Variants in THSD7B observed in about 807,000 individuals in gnomAD.
THSD7B encodes thrombospondin type-1 domain-containing protein 7B.
THSD7B carries 138 observed loss-of-function variants against 213.6 expected under a neutral mutation model. The observed-to-expected ratio is 0.65, with a 90% CI of 0.56 to 0.74. The LOEUF (loss-of-function observed/expected upper bound fraction) is 0.74, where lower values mean the gene tolerates loss of function less well. Ranked by LOEUF, THSD7B falls within the 30% of genes least tolerant of loss-of-function variation. The probability of loss-of-function intolerance (pLI) is 0.00; values close to 1 mark genes in which losing one functional copy is unlikely to be tolerated. For missense variants in THSD7B, 1,931 were observed against 1,991.5 expected, an observed-to-expected ratio of 0.97 and a Z score of 0.58; for synonymous variants, 742 against 687.0, an observed-to-expected ratio of 1.08 and a Z score of -1.25.
intron 1 of THSD7B, among the ~76,000 whole-genome samples, chr2:136,823,501 AT>A (rs1352375258): frequency 1.3e-5 from 2 of 151,906 alleles, no homozygotes; most frequent in Non-Finnish European, 2.9e-5. Flanking sequence ...TTCGTCAGGT[AT>A]TTCTGTGTCT....
At chr2:137,066,801 T>C (rs1687391823) in intron 3 of THSD7B, among the ~76,000 whole-genome samples, 4 of 152,134 alleles carry the variant, frequency 2.6e-5, no homozygotes, top group Admixed American at 2.6e-4. Context: ...TTTTCTCTCT[T>C]TATTTTCCTA....
chr2:137,089,102 C>T (rs1033272883), intron 3 of THSD7B, among the ~76,000 whole-genome samples: 1 of 151,972 alleles, frequency 6.6e-6, no homozygotes, highest in African/African-American at 2.4e-5. Flanking sequence ...ATGATTTGAT[C>T]CAGCAATCCT....
At chr2:137,288,513 C>T (rs1040107132) in intron 12 of THSD7B, among the ~76,000 whole-genome samples, 1 of 151,822 alleles carries the variant, frequency 6.6e-6, no homozygotes, top group Admixed American at 6.6e-5. Flanking sequence ...TTTTGAGAGC[C>T]TATAACAGAA....
At chr2:137,549,345 A>G (rs1680800622) in intron 15 of THSD7B, among the ~76,000 whole-genome samples, 1 of 135,552 alleles carries the variant, frequency 7.4e-6, no homozygotes, top group Non-Finnish European at 1.6e-5. Flanking sequence ...TGCAACAGAG[A>G]TAGAAAGTTT....
chr2:137,435,000 T>G (rs1424263376), intron 14 of THSD7B, among the ~76,000 whole-genome samples: 1 of 152,214 alleles, frequency 6.6e-6, no homozygotes, highest in Non-Finnish European at 1.5e-5. Context: ...GAAAATACTT[T>G]ACTTTTTATG....
chr2:137,455,178 G>C (rs1687740172), intron 15 of THSD7B, among the ~76,000 whole-genome samples: 2 of 152,048 alleles, frequency 1.3e-5, no homozygotes, highest in Non-Finnish European at 2.9e-5. Context: ...TTATCTTGTG[G>C]GTTGTCAAAT....
chr2:136,991,060 A>C, intron 2 of THSD7B: 1 of 774,614 alleles, frequency 1.3e-6, no homozygotes, highest in Non-Finnish European at 1.9e-6. Flanking sequence ...TTAAATAAAA[A>C]GGACCTGGAC....
chr2:137,655,296 A>AT (rs1558873028), intron 21 of THSD7B, among the ~76,000 whole-genome samples: 1 of 152,126 alleles, frequency 6.6e-6, no homozygotes, highest in African/African-American at 2.4e-5. Context: ...CCATGGCATG[A>AT]TTTGCATTCC....
intron 15 of THSD7B, among the ~76,000 whole-genome samples, chr2:137,490,571 C>T (rs1688582073): frequency 6.6e-6 from 1 of 152,130 alleles, no homozygotes; most frequent in Non-Finnish European, 1.5e-5. Flanking sequence ...TCAACATCCC[C>T]CATCAGAGTG....
chr2:137,426,131 G>T (rs754748583), intron 14 of THSD7B, among the ~76,000 whole-genome samples: 4 of 152,094 alleles, frequency 2.6e-5, no homozygotes, highest in Non-Finnish European at 5.9e-5. Context: ...GGAAGTGGAA[G>T]ATCTGTAAGC....
At chr2:137,561,733 A>G (rs191471619) in intron 15 of THSD7B, among the ~76,000 whole-genome samples, 8 of 152,242 alleles carry the variant, frequency 5.3e-5, no homozygotes, top group African/African-American at 1.7e-4. Flanking sequence ...TATGGGAAAG[A>G]CTTCTTAGGT....
intron 2 of THSD7B, among the ~76,000 whole-genome samples, chr2:136,940,476 T>G (rs939768471): frequency 1.3e-5 from 2 of 149,978 alleles, no homozygotes; most frequent in Admixed American, 6.6e-5. Context: ...GTCTTAAGTT[T>G]GATAATTTTT....
At chr2:136,823,225 G>A (rs370612230) in intron 1 of THSD7B, among the ~76,000 whole-genome samples, 2 of 152,176 alleles carry the variant, frequency 1.3e-5, no homozygotes, top group African/African-American at 4.8e-5. Context: ...GGAGAAAGGA[G>A]CTCTTAGTAC....
At chr2:137,483,916 A>G (rs1688364024) in intron 15 of THSD7B, among the ~76,000 whole-genome samples, 2 of 152,118 alleles carry the variant, frequency 1.3e-5, no homozygotes, top group Admixed American at 1.3e-4. Flanking sequence ...TCAAGCTTGG[A>G]TGGCTGGTAG....
At chr2:137,443,573 C>T (rs1031588370) in intron 14 of THSD7B, among the ~76,000 whole-genome samples, 1 of 151,992 alleles carries the variant, frequency 6.6e-6, no homozygotes, top group Non-Finnish European at 1.5e-5. Flanking sequence ...TCTATCTTGT[C>T]AATCCTTTAC....
intron 7 of THSD7B, among the ~76,000 whole-genome samples, chr2:137,187,311 A>G (rs1680569385): frequency 6.6e-6 from 1 of 152,130 alleles, no homozygotes; most frequent in African/African-American, 2.4e-5. Flanking sequence ...TCACAAAGGA[A>G]TGACCTGACC....
chr2:137,207,769 C>G (rs1681016707), intron 7 of THSD7B, among the ~76,000 whole-genome samples: 1 of 152,038 alleles, frequency 6.6e-6, no homozygotes, highest in Non-Finnish European at 1.5e-5. Flanking sequence ...CCTACTTATT[C>G]AAACCTCAGT....
At chr2:137,087,542 C>T (rs1229708639) in intron 3 of THSD7B, among the ~76,000 whole-genome samples, 1 of 152,170 alleles carries the variant, frequency 6.6e-6, no homozygotes, top group Non-Finnish European at 1.5e-5. Flanking sequence ...AAGAACTGAA[C>T]TCCTTTTACA....
intron 12 of THSD7B, among the ~76,000 whole-genome samples, chr2:137,403,102 T>C (rs13391547): frequency 0.23 from 35,570 of 151,984 alleles, 4,323 homozygotes; most frequent in South Asian, 0.27. Flanking sequence ...TGTGATGGAT[T>C]TTGTCCCTGC....
Sources: allele counts gnomAD v4.1 joint callset (sites outside exome capture counted in the v4.1 genomes callset), GRCh38; gene constraint gnomAD v4.1.1; transcripts MANE v1.5; gene names NCBI Gene and HGNC (gene_info 2026-07-23, HGNC 2026-07-21).